Variants in ALK observed in about 807,000 individuals in gnomAD.
The protein encoded by ALK is ALK receptor tyrosine kinase, also known as ALK tyrosine kinase receptor.
ALK carries 74 observed loss-of-function variants against 163.1 expected under a neutral mutation model. That is an observed-to-expected ratio of 0.45 (90% CI 0.38 to 0.55). The LOEUF is 0.55. Among genes scored for constraint, ALK ranks in the 20% least tolerant of loss-of-function variants. The pLI is 0.00. For synonymous variants in ALK, 960 were observed against 843.2 expected (o/e 1.14, Z -2.40); for missense variants, 2,063 against 2,105.3 (o/e 0.98, Z 0.39).
chr2:29,827,163 C>T (rs982061594), intron 1 of ALK, among the ~76,000 whole-genome samples: 6 of 152,146 alleles, frequency 3.9e-5, no homozygotes, highest in South Asian at 2.1e-4. Flanking sequence ...CAGAACAGCA[C>T]GCAGATCAGA....
At chr2:29,538,196 G>A (rs1196777686) in intron 3 of ALK, among the ~76,000 whole-genome samples, 1 of 152,076 alleles carries the variant, frequency 6.6e-6, no homozygotes, top group East Asian at 1.9e-4. Context: ...ATTTGGGGGG[G>A]GCAGGGGTGA....
At chr2:29,222,148 G>C (rs529348161) in intron 22 of ALK, among the ~76,000 whole-genome samples, 196 bp downstream of exon 22, 3 of 152,192 alleles carry the variant, frequency 2.0e-5, no homozygotes, top group Non-Finnish European at 4.4e-5. Context: ...CACAGACTTT[G>C]TTTCTGAAAC....
intron 3 of ALK, among the ~76,000 whole-genome samples, chr2:29,642,106 C>T (rs970505521): frequency 6.6e-6 from 1 of 152,168 alleles, no homozygotes; most frequent in African/African-American, 2.4e-5. Context: ...GTGTGGTCCA[C>T]CTGGGAGCTT....
chr2:29,537,517 G>T (rs1272018777), intron 3 of ALK, among the ~76,000 whole-genome samples: 2 of 152,358 alleles, frequency 1.3e-5, no homozygotes, highest in South Asian at 4.1e-4. Flanking sequence ...CCATCTAAAT[G>T]CCATAGGAGG....
intron 4 of ALK, among the ~76,000 whole-genome samples, chr2:29,433,991 A>G (rs542831723): frequency 1.3e-5 from 2 of 152,246 alleles, no homozygotes; most frequent in South Asian, 2.1e-4. Context: ...TTTTGCACCA[A>G]TCTCTCAAGA....
rs536220202 is a variant in ALK, at chr2:29,493,572, T to C, written c.1154+38343A>G. Among the ~76,000 whole-genome samples the C allele has an allele frequency of 2.6e-5, 4 of 152,308 alleles. No individual in the cohort carries two copies. The East Asian group carries it at 7.7e-4, about 29-fold the overall frequency. On this transcript the variant is annotated intron_variant, in intron 4 of 28. Coordinates refer to ENST00000389048, the MANE Select transcript of ALK (RefSeq NM_004304.5). ...TATTCTCTGAGGGAGTGGCATGCAGTGAAAAGAACACTGGCTTTCAAAACA... is the reference window on the plus strand; with the variant it reads ...TATTCTCTGAGGGAGTGGCATGCAGCGAAAAGAACACTGGCTTTCAAAACA...
chr2:29,215,912 T>TGTCA (rs975342881), intron 23 of ALK, among the ~76,000 whole-genome samples: 1 of 152,146 alleles, frequency 6.6e-6, no homozygotes, highest in African/African-American at 2.4e-5. Flanking sequence ...CTCCCTGGGT[T>TGTCA]GTCAGGAGCA....
intron 3 of ALK, among the ~76,000 whole-genome samples, chr2:29,665,897 T>G (rs1677499005): frequency 6.6e-6 from 1 of 152,068 alleles, no homozygotes; most frequent in Non-Finnish European, 1.5e-5. Flanking sequence ...CAACCTCCTC[T>G]TGTTCCTGAG....
chr2:29,214,159 T>C (rs375060579), intron 23 of ALK, 78 bp from the exon 24 acceptor site: 1 of 1,267,476 alleles, frequency 7.9e-7, no homozygotes, highest in Non-Finnish European at 1.1e-6. Flanking sequence ...TGGCTTCCAG[T>C]GCTCACAAGG....
chr2:29,509,433 G>A (rs955818787), intron 4 of ALK, among the ~76,000 whole-genome samples: 3 of 152,150 alleles, frequency 2.0e-5, no homozygotes, highest in African/African-American at 7.2e-5. Context: ...GTACTTGCTT[G>A]TACAATCCCT....
chr2:29,462,576 T>C (rs142333637), intron 4 of ALK, among the ~76,000 whole-genome samples: 81 of 152,282 alleles, frequency 5.3e-4, no homozygotes, highest in Non-Finnish European at 9.7e-4. Context: ...CATATTAAGG[T>C]ATGTACATTT....
intron 1 of ALK, among the ~76,000 whole-genome samples, chr2:29,844,626 G>A (rs1190928364): frequency 1.3e-5 from 2 of 152,062 alleles, no homozygotes; most frequent in African/African-American, 2.4e-5. Context: ...TAGAACCATT[G>A]TCCTGGTTCT....
At chr2:29,213,716 G>A (rs1239468278) in intron 24 of ALK, among the ~76,000 whole-genome samples, 2 of 152,156 alleles carry the variant, frequency 1.3e-5, no homozygotes, top group Admixed American at 6.5e-5. Context: ...AGGAGCCATC[G>A]CTCATGCCTG....
At chr2:29,891,445 T>G (rs2148425000) in intron 1 of ALK, among the ~76,000 whole-genome samples, 1 of 152,298 alleles carries the variant, frequency 6.6e-6, no homozygotes, top group Non-Finnish European at 1.5e-5. Context: ...GACATAACAC[T>G]TATCTGCATT....
intron 3 of ALK, among the ~76,000 whole-genome samples, chr2:29,537,595 A>G (rs1673294495): frequency 6.6e-6 from 1 of 152,210 alleles, no homozygotes; most frequent in South Asian, 2.1e-4. Flanking sequence ...ATATCAAGGG[A>G]AAATGCGGGG....
chr2:29,265,448 A>G (rs1382585504), intron 11 of ALK, among the ~76,000 whole-genome samples: 1 of 152,218 alleles, frequency 6.6e-6, no homozygotes, highest in African/African-American at 2.4e-5. Context: ...ACGATCATAA[A>G]GCCAGCTGAG....
At chr2:29,737,624 C>A (rs1307693282) in intron 1 of ALK, among the ~76,000 whole-genome samples, 1 of 152,044 alleles carries the variant, frequency 6.6e-6, no homozygotes, top group African/African-American at 2.4e-5. Context: ...TCATTTCTTG[C>A]ATTGTTTTAG....
At chr2:29,411,611 G>C (rs1220383986) in intron 4 of ALK, among the ~76,000 whole-genome samples, 2 of 152,146 alleles carry the variant, frequency 1.3e-5, no homozygotes, top group Non-Finnish European at 2.9e-5. Flanking sequence ...TGAGGACCTT[G>C]TTGAGGTCTG....
At chr2:29,871,684 T>C (rs1666580089) in intron 1 of ALK, among the ~76,000 whole-genome samples, 1 of 152,178 alleles carries the variant, frequency 6.6e-6, no homozygotes, top group African/African-American at 2.4e-5. Context: ...TTGCTACTAA[T>C]ATCACATGAG....
Sources: allele counts gnomAD v4.1 joint callset (sites outside exome capture counted in the v4.1 genomes callset), GRCh38; gene constraint gnomAD v4.1.1; transcripts MANE v1.5; gene names NCBI Gene and HGNC (gene_info 2026-07-23, HGNC 2026-07-21).